The following RBM33 variants were observed in gnomAD, a reference collection of about 807,000 sequenced individuals.
RBM33 encodes the protein RNA binding motif protein 33.
Under a neutral mutation model 132.6 loss-of-function variants are expected in RBM33, and 28 were observed. That is an observed-to-expected ratio of 0.21 (90% CI 0.16 to 0.29). The LOEUF (loss-of-function observed/expected upper bound fraction) is 0.29, where lower values mean the gene tolerates loss of function less well. RBM33 is among the 10% of genes least tolerant of loss of function. The pLI is 1.00. For missense variants in RBM33, 1,291 were observed against 1,518.5 expected, an observed-to-expected ratio of 0.85 and a Z score of 2.49; for synonymous variants, 634 against 593.0, an observed-to-expected ratio of 1.07 and a Z score of -1.01.
At chr7:155,771,532 C>T (rs1447674823) in intron 16 of RBM33, among the ~76,000 whole-genome samples, 4 of 152,114 alleles carry the variant, frequency 2.6e-5, no homozygotes, top group Admixed American at 6.5e-5. Flanking sequence ...GCTTTCTTCA[C>T]GGATAGCTTC....
intron 1 of RBM33, among the ~76,000 whole-genome samples, chr7:155,647,954 C>T (rs1281989539): frequency 6.6e-6 from 1 of 152,126 alleles, no homozygotes; most frequent in Non-Finnish European, 1.5e-5. Flanking sequence ...AAAATCAGTA[C>T]ACAAATCGTA....
At chr7:155,716,314 C>CTTTTTT (rs1563157893) in intron 8 of RBM33, among the ~76,000 whole-genome samples, 1 of 43,576 alleles carries the variant, frequency 2.3e-5, no homozygotes, top group Non-Finnish European at 4.3e-5. Flanking sequence ...TCCTTTTCTG[C>CTTTTTT]TGTTTTTTTT....
intron 13 of RBM33, 22 bp from the exon 14 acceptor site, chr7:155,744,939 C>G: frequency 6.5e-7 from 1 of 1,531,116 alleles, no homozygotes; most frequent in Non-Finnish European, 8.7e-7. Context: ...GCAAAGTAAA[C>G]CGTGTATGTT....
At chr7:155,673,660 A>ACG (rs534801336) in intron 3 of RBM33, among the ~76,000 whole-genome samples, 1 of 109,288 alleles carries the variant, frequency 9.2e-6, no homozygotes, top group Non-Finnish European at 1.8e-5. Flanking sequence ...ATATATACAC[A>ACG]CATATACATA....
Position 155,745,185 on chromosome 7 carries a change from C to T in RBM33, c.2562C>T (p.Asn854=), listed in dbSNP as rs374217553. 4.5e-5 allele frequency: 72 copies of T among 1,610,930 alleles called. No homozygotes were observed. Among genetic ancestry groups the T allele is most frequent in the Middle Eastern group, 3.3e-4 (2 of 6,048 alleles). The part of the protein sequence containing the change: ...EEQALSPSPT[N]GNPLLPFPGA... ...AGGCACTGTCACCATCACCCACCAA[C>T]GGTAACCCACTGTTGCCCTTTCCAG... The change falls in exon 14 of 18, where the codon AAC becomes AAT. Residue 854 remains asparagine (N), a synonymous_variant. Coordinates refer to ENST00000401878, the MANE Select transcript of RBM33 (RefSeq NM_053043.3). This position sits in a 1 kb window ranked among gnomAD's most constrained non-coding sequence, Gnocchi z 4.1.
intron 5 of RBM33, chr7:155,684,968 A>G (rs1799433379): frequency 1.3e-6 from 2 of 1,550,532 alleles, no homozygotes; most frequent in South Asian, 1.2e-5. Flanking sequence ...GTGGGCAACA[A>G]GGGCTGCAAG....
At chr7:155,718,354 G>A in intron 8 of RBM33, 31 bp from the exon 9 acceptor site, 1 of 1,598,268 alleles carries the variant, frequency 6.3e-7, no homozygotes, top group Non-Finnish European at 8.6e-7. Context: ...TGAGTAAAGT[G>A]TGTCTCTAAC....
At chr7:155,645,027 G>A (rs1255944401) in intron 1 of RBM33, 108 bp downstream of exon 1, 2 of 790,102 alleles carry the variant, frequency 2.5e-6, no homozygotes, top group South Asian at 2.0e-5. Context: ...CCCCGGCTCC[G>A]ACTCTCTTTG....
At chr7:155,772,774 G>A (rs1802473834) in intron 16 of RBM33, among the ~76,000 whole-genome samples, 1 of 152,212 alleles carries the variant, frequency 6.6e-6, no homozygotes, top group South Asian at 2.1e-4. Context: ...CTAGACCAGG[G>A]CCGATGCTTC....
intron 5 of RBM33, among the ~76,000 whole-genome samples, chr7:155,699,801 AT>A (rs1392769268): frequency 2.6e-5 from 4 of 152,084 alleles, no homozygotes; most frequent in Non-Finnish European, 4.4e-5. Context: ...GTTTGTTTTC[AT>A]TTTTTTCTTG....
chr7:155,696,463 C>T (rs1299126792), intron 5 of RBM33, among the ~76,000 whole-genome samples: 1 of 152,152 alleles, frequency 6.6e-6, no homozygotes, highest in Non-Finnish European at 1.5e-5. Flanking sequence ...TAGAAACATT[C>T]AGGACAGACA....
At chr7:155,729,827 G>T (rs1231487631) in intron 9 of RBM33, among the ~76,000 whole-genome samples, 1 of 151,758 alleles carries the variant, frequency 6.6e-6, no homozygotes, top group Non-Finnish European at 1.5e-5. Flanking sequence ...GATCACCCCA[G>T]ATCTTGGCTT....
At chr7:155,651,525 A>G (rs1353001995) in intron 1 of RBM33, among the ~76,000 whole-genome samples, 1 of 145,132 alleles carries the variant, frequency 6.9e-6, no homozygotes, top group Non-Finnish European at 1.5e-5. Flanking sequence ...GGTTGTAGTG[A>G]GCCGAGATCG....
At chr7:155,758,129 C>T (rs1034522312) in intron 14 of RBM33, among the ~76,000 whole-genome samples, 28 of 152,146 alleles carry the variant, frequency 1.8e-4, no homozygotes, top group African/African-American at 6.0e-4. Context: ...GACCCTAGTA[C>T]CTTTCTTGTC....
At chr7:155,761,779 G>A (rs1295810616) in intron 14 of RBM33, among the ~76,000 whole-genome samples, 1 of 151,690 alleles carries the variant, frequency 6.6e-6, no homozygotes, top group Non-Finnish European at 1.5e-5. Context: ...GTTGCTTTTC[G>A]CTGTCATCTT....
At chr7:155,717,206 T>C (rs1348044022) in intron 8 of RBM33, among the ~76,000 whole-genome samples, 2 of 152,192 alleles carry the variant, frequency 1.3e-5, no homozygotes, top group African/African-American at 4.8e-5. Context: ...GCACCGCAAA[T>C]AGGGTGAGTT....
rs184709843 is a variant in RBM33, at chr7:155,718,189, G to A, written c.1202-196G>A. On this transcript the variant is annotated intron_variant, in intron 8 of 17. Coordinates refer to ENST00000401878, the MANE Select transcript of RBM33 (RefSeq NM_053043.3). ...ACTTCTGCTTGCACTGCTGTGTACC[G>A]AAAAGGAAACTTCTGCTTTCCCCTT... Among the ~76,000 whole-genome samples, 217 of 152,194 alleles carry A rather than the reference G, an allele frequency of 1.4e-3. 4 individuals are homozygous for A. Among genetic ancestry groups the A allele is most frequent in the African/African-American group, 4.9e-3 (205 of 41,508 alleles).
intron 4 of RBM33, among the ~76,000 whole-genome samples, chr7:155,679,460 G>A (rs1204916868): frequency 6.6e-6 from 1 of 151,606 alleles, no homozygotes; most frequent in Non-Finnish European, 1.5e-5. Flanking sequence ...TACGATGAAT[G>A]TCTTTCTGTT....
intron 2 of RBM33, among the ~76,000 whole-genome samples, chr7:155,667,460 C>A (rs1798831133): frequency 6.6e-6 from 1 of 152,084 alleles, no homozygotes; most frequent in African/African-American, 2.4e-5. Flanking sequence ...TCAGTTGTCT[C>A]AATAATTTCC....
Sources: gnomAD v4.1 joint callset for allele counts (sites outside exome capture counted in the v4.1 genomes callset) on GRCh38, gnomAD v4.1.1 for gene constraint, Gnocchi (gnomAD v3.1) non-coding constraint, MANE v1.5 for transcripts, NCBI Gene and HGNC (gene_info 2026-07-23, HGNC 2026-07-21) for gene names.